The following SLC8A1 variants were observed in gnomAD, a reference collection of about 807,000 sequenced individuals.
SLC8A1 encodes sodium/calcium exchanger 1.
SLC8A1 carries 18 observed loss-of-function variants against 68.3 expected under a neutral mutation model. That is an observed-to-expected ratio of 0.26 (90% CI 0.18 to 0.39). The LOEUF (loss-of-function observed/expected upper bound fraction) is 0.39. SLC8A1 is among the 10% of genes least tolerant of loss of function. SLC8A1 has a pLI of 1.00. For synonymous variants in SLC8A1, 475 were observed against 415.5 expected (o/e 1.14, Z -1.74); for missense variants, 985 against 1,156.7 (o/e 0.85, Z 2.15).
intron 4 of SLC8A1, 63 bp downstream of exon 6, chr2:40,174,643 G>C: frequency 1.5e-6 from 2 of 1,365,952 alleles, no homozygotes; most frequent in Non-Finnish European, 2.0e-6. Flanking sequence ...TAAGATGTAG[G>C]TTTGGATTGA....
chr2:40,251,332 G>C (rs375302128), intron 2 of SLC8A1: 1 of 152,180 alleles, frequency 6.6e-6, no homozygotes, highest in South Asian at 2.1e-4. Context: ...CTTACACAAA[G>C]AGAAGTGGCT....
Position 40,229,850 on chromosome 2 carries a change from G to A in SLC8A1, c.1809-51995C>T, listed in dbSNP as rs568988574. Among the ~76,000 whole-genome samples the A allele has an allele frequency of 1.6e-4, 25 of 152,272 alleles. No homozygotes were observed. The South Asian group carries it at 5.2e-3, about 32-fold the overall frequency. On this transcript the variant is annotated intron_variant, in intron 2 of 7. Transcript: ENST00000406785. ...TAAAAAAAGTATTAGGCAAAAGTAT[G>A]CAGGTTAAAGATATGTACACCTAAG...
intron 2 of SLC8A1, among the ~76,000 whole-genome samples, chr2:40,392,575 T>A (rs1252761581): frequency 6.6e-6 from 1 of 152,118 alleles, no homozygotes; most frequent in Non-Finnish European, 1.5e-5. Flanking sequence ...CATGGGTAAG[T>A]GCTAATTGCT....
At chr2:40,217,631 G>C (rs745539915) in intron 2 of SLC8A1, among the ~76,000 whole-genome samples, 12 of 152,116 alleles carry the variant, frequency 7.9e-5, no homozygotes, top group Non-Finnish European at 1.5e-5. Flanking sequence ...TCCTACTTTA[G>C]AGTGAACTGT....
exon 8 of SLC8A1, chr2:40,106,899 C>T (rs1038125222): frequency 2.0e-5 from 3 of 152,108 alleles, no homozygotes; most frequent in Non-Finnish European, 4.4e-5. Context: ...ACATTACTGC[C>T]CCTTCTGCAA....
chr2:40,213,064 A>C (rs187230223), intron 2 of SLC8A1: 23 of 152,280 alleles, frequency 1.5e-4, no homozygotes, highest in African/African-American at 5.5e-4. Flanking sequence ...CCATAGCTTT[A>C]AGTCTTCATA....
At chr2:40,144,440 C>T (rs2148324178) in intron 6 of SLC8A1, among the ~76,000 whole-genome samples, 1 of 152,240 alleles carries the variant, frequency 6.6e-6, no homozygotes, top group Middle Eastern at 3.4e-3. Context: ...TTTGATCTAA[C>T]AGTCCAGGGA....
At chr2:40,285,303 G>C (rs1266810300) in intron 2 of SLC8A1, among the ~76,000 whole-genome samples, 2 of 152,042 alleles carry the variant, frequency 1.3e-5, no homozygotes, top group African/African-American at 4.8e-5. Flanking sequence ...ACCCTTTCAA[G>C]ACTATAAGAT....
At chr2:40,236,160 AC>A (rs1183383030) in intron 2 of SLC8A1, among the ~76,000 whole-genome samples, 9 of 151,538 alleles carry the variant, frequency 5.9e-5, no homozygotes, top group African/African-American at 2.2e-4. Flanking sequence ...ATCCTTGTTG[AC>A]TTTCTGTCTT....
At chr2:40,334,898 G>A (rs1014819924) in intron 2 of SLC8A1, among the ~76,000 whole-genome samples, 2 of 152,172 alleles carry the variant, frequency 1.3e-5, no homozygotes, top group African/African-American at 2.4e-5. Flanking sequence ...GGGGGTGAGG[G>A]GGCAGCAGTA....
Position 40,365,485 on chromosome 2 carries a change from T to C in SLC8A1, c.1808+62988A>G, listed in dbSNP as rs541001346. Among the ~76,000 whole-genome samples, 12 of 152,134 alleles carry C rather than the reference T, an allele frequency of 7.9e-5. 1 individual carries two copies. In the South Asian group the frequency reaches 2.5e-3, roughly 32 times the overall value. Reference sequence around the variant, plus strand: ...GCCCATTTCACTTTTCACCTAACAATCTATACCTTCTGTACTCTTAGAAGT... The same window carrying C: ...GCCCATTTCACTTTTCACCTAACAACCTATACCTTCTGTACTCTTAGAAGT... On this transcript the variant is annotated intron_variant, in intron 2 of 7. Transcript: ENST00000406785.
chr2:40,173,650 G>A (rs1322915179), intron 4 of SLC8A1, among the ~76,000 whole-genome samples: 1 of 152,116 alleles, frequency 6.6e-6, no homozygotes, highest in Non-Finnish European at 1.5e-5. Context: ...TCCCAACATA[G>A]TATTTTCATG....
intron 2 of SLC8A1, among the ~76,000 whole-genome samples, chr2:40,220,691 G>C (rs1165398670): frequency 6.6e-6 from 1 of 151,890 alleles, no homozygotes; most frequent in East Asian, 1.9e-4. Flanking sequence ...GTGGTGAAAA[G>C]TCTTCTTGGC....
At chr2:40,281,186 G>A (rs2067462564) in intron 2 of SLC8A1, among the ~76,000 whole-genome samples, 1 of 152,064 alleles carries the variant, frequency 6.6e-6, no homozygotes, top group South Asian at 2.1e-4. Flanking sequence ...CAGGGATGGG[G>A]CAGAAGAAAG....
rs558714586 is a variant in SLC8A1 at position 40,501,032 on chromosome 2, G to A, written c.-25+11317C>T. On this transcript the variant is annotated intron_variant, in intron 1 of 7. Transcript: ENST00000402441. ...GAAAAACTCTCCTACCTGTTCTCAC[G>A]GGGCTGCTTACTGTCCCTAAACATA... Among the ~76,000 whole-genome samples, 18 of 151,806 alleles carry A rather than the reference G, an allele frequency of 1.2e-4. No individual in the cohort carries two copies. The South Asian group carries it at 1.7e-3, about 14-fold the overall frequency.
intron 7 of SLC8A1, among the ~76,000 whole-genome samples, chr2:40,135,551 C>G (rs1473234068): frequency 6.6e-6 from 1 of 152,026 alleles, no homozygotes; most frequent in African/African-American, 2.4e-5. Flanking sequence ...AATCCTCTCT[C>G]TACTAAAAAT....
intron 2 of SLC8A1, among the ~76,000 whole-genome samples, chr2:40,347,238 G>T (rs1324087170): frequency 6.6e-6 from 1 of 152,180 alleles, no homozygotes; most frequent in African/African-American, 2.4e-5. Flanking sequence ...GGCCTCAAAC[G>T]ATCGTTCCAA....
At chr2:40,386,016 G>T (rs1007383343) in intron 2 of SLC8A1, among the ~76,000 whole-genome samples, 1 of 151,020 alleles carries the variant, frequency 6.6e-6, no homozygotes, top group African/African-American at 2.5e-5. Context: ...TAAATTCTCC[G>T]AGTTTTCTTT....
chr2:40,285,341 G>C (rs2068141566), intron 2 of SLC8A1, among the ~76,000 whole-genome samples: 1 of 152,012 alleles, frequency 6.6e-6, no homozygotes. Flanking sequence ...ACAGACCCAT[G>C]CTTTCAGTAG....
Sources: allele counts gnomAD v4.1 joint callset (sites outside exome capture counted in the v4.1 genomes callset), GRCh38; gene constraint gnomAD v4.1.1; transcripts MANE v1.5; gene names NCBI Gene and HGNC (gene_info 2026-07-23, HGNC 2026-07-21).